SRGAP1: variants seen among roughly 807,000 people sequenced by gnomAD.
SRGAP1 encodes the protein SLIT-ROBO Rho GTPase-activating protein 1.
SRGAP1 carries 43 observed loss-of-function variants against 121.9 expected under a neutral mutation model. The ratio of observed to expected loss-of-function variants is 0.35; its 90% CI spans 0.28 to 0.46. The LOEUF (loss-of-function observed/expected upper bound fraction) is 0.46, where lower values mean the gene tolerates loss of function less well. Among genes scored for constraint, SRGAP1 ranks in the 20% least tolerant of loss-of-function variants. The pLI, the probability that SRGAP1 is intolerant of heterozygous loss-of-function variation, is 1.00. For missense variants in SRGAP1, 1,102 were observed against 1,350.9 expected, an observed-to-expected ratio of 0.82 and a Z score of 2.89; for synonymous variants, 447 against 485.4, an observed-to-expected ratio of 0.92 and a Z score of 1.04.
intron 8 of SRGAP1, 33 bp from the exon 9 acceptor site, chr12:64,078,886 G>A (rs754233434): frequency 3.1e-6 from 5 of 1,599,924 alleles, no homozygotes; most frequent in Admixed American, 1.7e-5. Flanking sequence ...ATGAAATAAT[G>A]TACTAACGTG....
At chr12:63,976,288 C>A (rs1453868257) in intron 1 of SRGAP1, among the ~76,000 whole-genome samples, 1 of 152,208 alleles carries the variant, frequency 6.6e-6, no homozygotes, top group Non-Finnish European at 1.5e-5. Flanking sequence ...TCCTACCCAT[C>A]CAGAATTCAA....
rs959839788 is a variant in SRGAP1, at chr12:64,156,243, T to C, written c.*13571T>C. The C allele has an allele frequency of 3.3e-5, 5 of 152,250 alleles. No homozygotes were observed. The East Asian group carries it at 9.6e-4, about 29-fold the overall frequency. The allele number at this position is 152,250 out of a possible 1,614,324, so 9.4% of individuals were successfully genotyped here. A position where few individuals can be genotyped will look rare whatever the true frequency, so the allele number is the denominator to read the frequency against. On this transcript the variant is annotated 3_prime_UTR_variant, in exon 22 of 22. Coordinates refer to ENST00000355086, the MANE Select transcript of SRGAP1 (RefSeq NM_020762.4). ...TCTTTTTTGTCTTCATCAGAATTTA[T>C]TGAATCCTGATTATTTTTTCCTTAA... is the stretch of plus-strand genomic sequence containing the variant.
At chr12:64,022,263 C>A (rs921780965) in intron 4 of SRGAP1, among the ~76,000 whole-genome samples, 3 of 152,172 alleles carry the variant, frequency 2.0e-5, no homozygotes, top group Non-Finnish European at 4.4e-5. Context: ...AGCTGGAGAT[C>A]CAGCCAGGAG....
chr12:64,082,540 T>C (rs1292083708), intron 10 of SRGAP1, among the ~76,000 whole-genome samples: 1 of 150,516 alleles, frequency 6.6e-6, no homozygotes, highest in African/African-American at 2.4e-5. Flanking sequence ...AACCTCCACC[T>C]CCCAGGTTTA....
chr12:64,056,734 C>G (rs946685158), intron 6 of SRGAP1, among the ~76,000 whole-genome samples: 15 of 152,100 alleles, frequency 9.9e-5, no homozygotes, highest in African/African-American at 3.6e-4. Context: ...CCCTTAGTCA[C>G]CATACATCAG....
chr12:63,865,635 G>T (rs1367364968), intron 1 of SRGAP1, among the ~76,000 whole-genome samples: 3 of 152,226 alleles, frequency 2.0e-5, no homozygotes, highest in Non-Finnish European at 2.9e-5. Flanking sequence ...TATGGTGGAT[G>T]AAGCAAAACT....
intron 1 of SRGAP1, among the ~76,000 whole-genome samples, chr12:63,858,183 GGTGT>G (rs34390447): frequency 6.7e-6 from 1 of 149,404 alleles, no homozygotes. Flanking sequence ...TTTTGTGTGT[GGTGT>G]GTGTGTGTGT....
chr12:64,132,647 G>C (rs944416104), intron 21 of SRGAP1, among the ~76,000 whole-genome samples: 3 of 152,210 alleles, frequency 2.0e-5, no homozygotes, highest in African/African-American at 7.2e-5. Flanking sequence ...ATTTTAGTCA[G>C]ATTTATTTCC....
chr12:63,873,582 A>G (rs1899929119), intron 1 of SRGAP1, among the ~76,000 whole-genome samples: 1 of 151,874 alleles, frequency 6.6e-6, no homozygotes, highest in Admixed American at 6.6e-5. Flanking sequence ...GGAAAGTTGA[A>G]TTTACCAGAG....
chr12:64,056,060 T>G (rs200281170), intron 6 of SRGAP1, among the ~76,000 whole-genome samples: 1 of 91,856 alleles, frequency 1.1e-5, no homozygotes, highest in Non-Finnish European at 2.7e-5. Context: ...TCCACACACA[T>G]AACAACATTC....
At chr12:63,847,378 T>G (rs899595262) in intron 1 of SRGAP1, among the ~76,000 whole-genome samples, 4 of 152,028 alleles carry the variant, frequency 2.6e-5, no homozygotes, top group Admixed American at 6.6e-5. Context: ...CTTTTTAAAT[T>G]ACAGTCAGCA....
chr12:64,115,377 G>A (rs2036501089), intron 17 of SRGAP1, among the ~76,000 whole-genome samples: 1 of 152,116 alleles, frequency 6.6e-6, no homozygotes, highest in Admixed American at 6.6e-5. Flanking sequence ...ATCAATGGAG[G>A]TGCCAGGATT....
At chr12:63,977,516 T>G (rs1307127637) in intron 1 of SRGAP1, among the ~76,000 whole-genome samples, 1 of 152,074 alleles carries the variant, frequency 6.6e-6, no homozygotes, top group Non-Finnish European at 1.5e-5. Flanking sequence ...CCGTGAAATA[T>G]GTATCAGTTT....
intron 1 of SRGAP1, among the ~76,000 whole-genome samples, chr12:63,904,711 G>A (rs941005998): frequency 6.6e-6 from 1 of 152,172 alleles, no homozygotes; most frequent in Non-Finnish European, 1.5e-5. Flanking sequence ...TGGGAGGATC[G>A]CTTGAGTCCA....
chr12:64,137,149 A>T (rs1216811912), intron 21 of SRGAP1, among the ~76,000 whole-genome samples: 2 of 151,876 alleles, frequency 1.3e-5, no homozygotes, highest in Non-Finnish European at 2.9e-5. Context: ...CTGTAATCTG[A>T]GTTACTCGGG....
intron 21 of SRGAP1, among the ~76,000 whole-genome samples, chr12:64,133,116 G>A (rs538900616): frequency 1.2e-4 from 19 of 152,306 alleles, no homozygotes; most frequent in African/African-American, 3.1e-4. Flanking sequence ...AGTTGAATGA[G>A]GATGTGGTGG....
intron 1 of SRGAP1, among the ~76,000 whole-genome samples, chr12:63,948,185 A>C (rs772140490): frequency 6.6e-6 from 1 of 152,176 alleles, no homozygotes; most frequent in Non-Finnish European, 1.5e-5. Flanking sequence ...ACAGTGGAAA[A>C]GACCTGGGTT....
intron 1 of SRGAP1, among the ~76,000 whole-genome samples, chr12:63,936,975 A>G (rs746426595): frequency 1.3e-5 from 2 of 152,192 alleles, no homozygotes; most frequent in Non-Finnish European, 2.9e-5. Context: ...AGAGCGCCAT[A>G]TCAGTGGAGA....
rs571927586 is a variant in SRGAP1, at chr12:63,949,185, AT to A, written c.68-34753del. 1.6e-3 allele frequency among the ~76,000 whole-genome samples: 152 copies of A among 96,288 alleles called. 7 individuals are homozygous for A. The highest frequency in any genetic ancestry group is 2.5e-3 in the Non-Finnish European group (124 of 49,306). The allele number at this position is 96,288 out of a possible 152,430, so 63.2% of individuals were successfully genotyped here. ...CCATATATATATTTTTTCCATATATATTTTTTTTTCCATATATATATATATT... is the reference window on the plus strand; with the variant it reads ...CCATATATATATTTTTTCCATATATATTTTTTTTCCATATATATATATATT... On this transcript the variant is annotated intron_variant, in intron 1 of 21. Transcript: ENST00000355086.
Sources: gnomAD v4.1 joint callset for allele counts (sites outside exome capture counted in the v4.1 genomes callset) on GRCh38, gnomAD v4.1.1 for gene constraint, MANE v1.5 for transcripts, NCBI Gene and HGNC (gene_info 2026-07-23, HGNC 2026-07-21) for gene names.